Variants in ABCB9 observed in about 807,000 individuals in gnomAD.
ABCB9 encodes the protein ATP binding cassette subfamily B member 9.
In ABCB9, 36 loss-of-function variants were observed where a neutral mutation model predicts 62.0. The ratio of observed to expected loss-of-function variants is 0.58; its 90% CI spans 0.45 to 0.77. The LOEUF is 0.77. ABCB9 is among the 30% of genes least tolerant of loss of function. ABCB9 has a pLI of 0.00. For synonymous variants in ABCB9, 435 were observed against 461.4 expected (o/e 0.94, Z 0.73); for missense variants, 943 against 1,054.7 (o/e 0.89, Z 1.47).
chr12:122,963,469 T>A (rs1327789301), intron 1 of ABCB9, among the ~76,000 whole-genome samples: 2 of 152,110 alleles, frequency 1.3e-5, no homozygotes, highest in East Asian at 3.9e-4. Context: ...ATGAAGTAGG[T>A]CCTATCATTA....
downstream of ABCB9, among the ~76,000 whole-genome samples, chr12:122,927,107 G>A (rs1313262073): frequency 2.0e-5 from 3 of 152,082 alleles, no homozygotes; most frequent in South Asian, 2.1e-4. Context: ...ACTGTGAGGG[G>A]TGGGGCATAA....
At chr12:122,970,953 T>C (rs2037263709), upstream of ABCB9, among the ~76,000 whole-genome samples, 1 of 152,144 alleles carries the variant, frequency 6.6e-6, no homozygotes, top group South Asian at 2.1e-4. Flanking sequence ...TATGACATTC[T>C]GGAAAAGGCA....
downstream of ABCB9, among the ~76,000 whole-genome samples, chr12:122,924,216 C>T (rs1192501228): frequency 6.6e-6 from 1 of 152,190 alleles, no homozygotes; most frequent in East Asian, 1.9e-4. Flanking sequence ...TGGGTTCCAG[C>T]CTTGGCCATT....
exon 1 of ABCB9, chr12:122,975,058 G>C (rs2037366636): frequency 2.1e-6 from 1 of 465,906 alleles, no homozygotes; most frequent in Non-Finnish European, 3.9e-6. Context: ...GAGGCGGAAC[G>C]AGGAGGCCGC....
rs568372310 is a variant in ABCB9, at chr12:122,946,140, C to T, written c.1136G>A (p.Arg379Gln). ...CTCCTCCTCCTCATTGGCGAAGCTC[C>T]GGACAGTCTTCATGGCACTGATGGT... ...EETISAMKTV[R>Q]SFANEEEEAE... Residue 379 changes from arginine to glutamine, a missense_variant, in exon 6 of 12, where the codon CGG becomes CAG. By Grantham distance (43) the Arg-to-Gln change is conservative (BLOSUM62 1). Transcript: ENST00000280560. 15 of 1,614,162 alleles carry T rather than the reference C, an allele frequency of 9.3e-6. No homozygotes were observed. The Admixed American group carries it at 1.0e-4, about 11-fold the overall frequency.
chr12:122,953,513 G>A (rs752227462), intron 2 of ABCB9, among the ~76,000 whole-genome samples: 2 of 152,024 alleles, frequency 1.3e-5, no homozygotes, highest in African/African-American at 2.4e-5. Flanking sequence ...TCAGCCTCCC[G>A]AGTAGCTGGG....
chr12:122,946,133 G>A lies in ABCB9; in HGVS notation c.1143C>T (p.Phe381=), dbSNP rs550113398. 3.8e-5 allele frequency: 61 copies of A among 1,614,062 alleles called. 2 individuals are homozygous for A. Among genetic ancestry groups the A allele is most frequent in the South Asian group, 3.5e-4 (32 of 91,070 alleles). The change falls in exon 6 of 12, where the codon TTC becomes TTT. Residue 381 remains phenylalanine, a synonymous_variant. Coordinates refer to ENST00000280560, the MANE Select transcript of ABCB9 (RefSeq NM_019625.4). ...CCTCTGCCTCCTCCTCCTCATTGGC[G>A]AAGCTCCGGACAGTCTTCATGGCAC... ...TISAMKTVRS[F]ANEEEEAEVY...
chr12:122,919,892 TATTTATTTA>T (rs1389412643), downstream of ABCB9, among the ~76,000 whole-genome samples: 31 of 93,006 alleles, frequency 3.3e-4, no homozygotes, highest in East Asian at 6.7e-3. Context: ...TTTATTTATT[TATTTATTTA>T]TTTATTTATT....
At chr12:122,942,631 A>C (rs990890604) in intron 7 of ABCB9, among the ~76,000 whole-genome samples, 1 of 151,432 alleles carries the variant, frequency 6.6e-6, no homozygotes, top group Non-Finnish European at 1.5e-5. Context: ...AAAAAAAAAA[A>C]AAAAAAACCT....
intron 9 of ABCB9, among the ~76,000 whole-genome samples, chr12:122,937,416 T>C (rs1318792076): frequency 6.6e-6 from 1 of 150,390 alleles, no homozygotes; most frequent in East Asian, 1.9e-4. Context: ...AGGCTATTCA[T>C]GAAGGAAAAC....
chr12:122,974,385 T>C (rs2037346183), intron 1 of ABCB9: 1 of 152,164 alleles, frequency 6.6e-6, no homozygotes, highest in Non-Finnish European at 1.5e-5. Context: ...AGCCCTGTGG[T>C]GGTTAACTGG....
chr12:122,959,537 G>A lies in ABCB9; in HGVS notation c.601+98C>T. 2 of 1,497,036 alleles carry A rather than the reference G, an allele frequency of 1.3e-6. No individual in the cohort carries two copies. Among genetic ancestry groups the A allele is most frequent in the Non-Finnish European group, 8.9e-7 (1 of 1,120,916 alleles). The allele number at this position is 1,497,036 out of a possible 1,614,324, so 92.7% of individuals were successfully genotyped here. A position where few individuals can be genotyped will look rare whatever the true frequency, so the allele number is the denominator to read the frequency against. On this transcript the variant is annotated intron_variant, in intron 2 of 11. Transcript: ENST00000280560. This position sits in a 1 kb window ranked among gnomAD's most constrained non-coding sequence, Gnocchi z 5.4. ...CTTTTCCTTTTCATATCAATTTGAT[G>A]TCTGAACCACGTAAGTAAAATCTTT...
rs139234769 is a variant in ABCB9 at position 122,960,136 on chromosome 12, G to C, written c.100C>G (p.Leu34Val). 3 of 1,613,648 alleles carry C rather than the reference G, an allele frequency of 1.9e-6. No homozygotes were observed. The African/African-American group carries it at 4.0e-5, about 22-fold the overall frequency. Residue 34 changes from leucine to valine, a missense_variant, in exon 2 of 12, where the codon CTC (leucine) becomes GTC (valine). Coordinates refer to ENST00000280560, the MANE Select transcript of ABCB9 (RefSeq NM_019625.4). ...IYVFSHLDRSLLEDIRHFNIF... is the reference protein window; with the variant it reads ...IYVFSHLDRSVLEDIRHFNIF... ...TTGAAGTGGCGGATGTCCTCCAGGA[G>C]GCTGCGGTCCAGGTGGCTGAAGACA...
At chr12:122,956,937 C>A (rs1178496306) in intron 2 of ABCB9, among the ~76,000 whole-genome samples, 1 of 152,208 alleles carries the variant, frequency 6.6e-6, no homozygotes. Context: ...GGATTACAGG[C>A]ATGAGCCACC....
chr12:122,930,000 C>G lies in ABCB9; in HGVS notation c.2212G>C (p.Val738Leu). The change falls in exon 12 of 12, where the codon GTG becomes CTG. Residue 738 changes from valine (V) to leucine (L), a missense_variant. Coordinates refer to ENST00000280560, the MANE Select transcript of ABCB9 (RefSeq NM_019625.4). The surrounding 1 kb of genome is among the most constrained non-coding windows in gnomAD (Gnocchi z 6.0). ...TGAAGCCCCAGCATCTGCCGCTGCA[C>G]CAGCTTGGCGTAGAGGCCGCCCTGG... ...LAQGGLYAKL[V>L]QRQMLGLQPA... is the part of the protein sequence containing the mutation. 1 of 1,576,846 alleles carries G rather than the reference C, an allele frequency of 6.3e-7. No individual in the cohort carries two copies.
intron 4 of ABCB9, chr12:122,949,430 C>CCCTGGCCCTCACCT (rs2036236162): frequency 4.4e-6 from 1 of 229,218 alleles, no homozygotes; most frequent in South Asian, 8.8e-5. Flanking sequence ...CCGTTGTGGC[C>CCCTGGCCCTCACCT]CCTGGCCCTC....
upstream of ABCB9, among the ~76,000 whole-genome samples, chr12:122,967,966 G>T (rs1465563085): frequency 6.6e-6 from 1 of 152,042 alleles, no homozygotes; most frequent in Non-Finnish European, 1.5e-5. Context: ...CTAGCTTAAA[G>T]GTAGTTACTA....
Position 122,929,834 on chromosome 12 carries a change from G to GC in ABCB9, c.*76dup, listed in dbSNP as rs2035040458. 4.8e-6 allele frequency: 7 copies of GC among 1,452,862 alleles called. No homozygotes were observed. The Admixed American group carries it at 1.9e-4, about 39-fold the overall frequency. The allele number at this position is 1,452,862 out of a possible 1,614,324, so 90.0% of individuals were successfully genotyped here. ...GCTGCAGGCCTGGGCTCGGAGGGCA[G>GC]CTGGGGGCCTCCGTGGGCACATCTG... On this transcript the variant is annotated 3_prime_UTR_variant, in exon 12 of 12. Transcript: ENST00000280560. This position sits in a 1 kb window ranked among gnomAD's most constrained non-coding sequence, Gnocchi z 6.0.
chr12:122,972,202 G>A (rs749140932), intron 1 of ABCB9, among the ~76,000 whole-genome samples: 6 of 151,874 alleles, frequency 4.0e-5, no homozygotes, highest in Non-Finnish European at 7.4e-5. Flanking sequence ...CAGCCACCGC[G>A]CCCGGCTAAT....
Sources: allele counts gnomAD v4.1 joint callset (sites outside exome capture counted in the v4.1 genomes callset), GRCh38; gene constraint gnomAD v4.1.1; non-coding constraint Gnocchi (gnomAD v3.1); transcripts MANE v1.5; gene names NCBI Gene and HGNC (gene_info 2026-07-23, HGNC 2026-07-21).